The following ZBTB20 variants were observed in gnomAD, a reference collection of about 807,000 sequenced individuals.
The protein encoded by ZBTB20 is zinc finger and BTB domain-containing protein 20.
Under a neutral mutation model 56.9 loss-of-function variants are expected in ZBTB20, and 9 were observed. The observed-to-expected ratio is 0.16, with a 90% CI of 0.10 to 0.28. The LOEUF (loss-of-function observed/expected upper bound fraction) is 0.28, where lower values mean the gene tolerates loss of function less well. Among genes scored for constraint, ZBTB20 ranks in the 10% least tolerant of loss-of-function variants. The pLI is 1.00. For synonymous variants in ZBTB20, 417 were observed against 420.7 expected (o/e 0.99, Z 0.11); for missense variants, 655 against 1,003.0 (o/e 0.65, Z 4.69).
intron 4 of ZBTB20, among the ~76,000 whole-genome samples, chr3:114,859,093 T>TA (rs967994368): frequency 6.6e-6 from 1 of 151,886 alleles, no homozygotes; most frequent in Non-Finnish European, 1.5e-5. Flanking sequence ...AAATATTTTT[T>TA]AAAAAAACAG....
At chr3:114,950,143 C>T (rs961493909) in intron 3 of ZBTB20, among the ~76,000 whole-genome samples, 5 of 152,108 alleles carry the variant, frequency 3.3e-5, no homozygotes, top group Non-Finnish European at 7.4e-5. Flanking sequence ...ATACAGTAGT[C>T]CCCCTTTATC....
chr3:115,084,660 G>T (rs1195526330), intron 1 of ZBTB20, among the ~76,000 whole-genome samples: 1 of 151,776 alleles, frequency 6.6e-6, no homozygotes, highest in Non-Finnish European at 1.5e-5. Context: ...AATCAGGAGT[G>T]AACAAAGAAA....
intron 4 of ZBTB20, among the ~76,000 whole-genome samples, chr3:114,871,936 C>T (rs1360602094): frequency 6.6e-6 from 1 of 152,124 alleles, no homozygotes; most frequent in Admixed American, 6.6e-5. Flanking sequence ...TCGTTTCTGT[C>T]TCCTGGTCCC....
At chr3:115,102,636 T>C (rs906286165) in intron 1 of ZBTB20, 19 of 151,948 alleles carry the variant, frequency 1.3e-4, no homozygotes, top group African/African-American at 4.1e-4. Context: ...AAAAACAACC[T>C]GAGAGCTAAA....
chr3:114,815,823 C>G (rs893021364), intron 4 of ZBTB20, among the ~76,000 whole-genome samples: 3 of 152,068 alleles, frequency 2.0e-5, no homozygotes, highest in Non-Finnish European at 2.9e-5. Flanking sequence ...TCTAGATGAA[C>G]AAAATGAAAT....
At chr3:115,130,700 T>A (rs2084478990) in intron 1 of ZBTB20, among the ~76,000 whole-genome samples, 1 of 152,204 alleles carries the variant, frequency 6.6e-6, no homozygotes, top group African/African-American at 2.4e-5. Flanking sequence ...GTGCCAAGAT[T>A]CAGAAATATG....
intron 4 of ZBTB20, among the ~76,000 whole-genome samples, chr3:114,897,883 A>T (rs2107656026): frequency 6.6e-6 from 1 of 152,270 alleles, no homozygotes; most frequent in East Asian, 1.9e-4. Context: ...CTTATTATGT[A>T]AACTGTGCCA....
At chr3:114,986,004 G>C (rs1462495104) in intron 2 of ZBTB20, among the ~76,000 whole-genome samples, 1 of 152,088 alleles carries the variant, frequency 6.6e-6, no homozygotes, top group Non-Finnish European at 1.5e-5. Context: ...GGGGTGGGAT[G>C]CATTTGGCAA....
intron 7 of ZBTB20, among the ~76,000 whole-genome samples, chr3:114,442,227 A>G (rs2090976826): frequency 6.6e-6 from 1 of 152,134 alleles, no homozygotes; most frequent in African/African-American, 2.4e-5. Flanking sequence ...TGGACTCAGG[A>G]CTCAGGCACT....
chr3:114,933,197 G>C (rs567433153), intron 3 of ZBTB20, among the ~76,000 whole-genome samples: 1 of 152,252 alleles, frequency 6.6e-6, no homozygotes, highest in Admixed American at 6.5e-5. Context: ...CCAAAGATTT[G>C]TAAAAAATAA....
intron 6 of ZBTB20, among the ~76,000 whole-genome samples, chr3:114,668,857 T>C (rs1302167846): frequency 6.6e-6 from 1 of 152,068 alleles, no homozygotes; most frequent in African/African-American, 2.4e-5. Flanking sequence ...GGTCTGCCTA[T>C]GTGATTCAAC....
chr3:114,807,502 A>G (rs1052394403), intron 4 of ZBTB20, among the ~76,000 whole-genome samples: 13 of 135,022 alleles, frequency 9.6e-5, no homozygotes, highest in African/African-American at 3.6e-4. Flanking sequence ...TCTTACATGT[A>G]TTTATCATTC....
At chr3:114,753,438 C>CGTATATATATATAT (rs1560210058) in intron 5 of ZBTB20, among the ~76,000 whole-genome samples, 3 of 10,578 alleles carry the variant, frequency 2.8e-4, no homozygotes, top group African/African-American at 4.0e-4. Context: ...TATATACACA[C>CGTATATATATATAT]ACACTTTTTT....
chr3:114,883,809 AG>A (rs753542144), intron 4 of ZBTB20, among the ~76,000 whole-genome samples: 7 of 151,450 alleles, frequency 4.6e-5, no homozygotes, highest in Non-Finnish European at 1.0e-4. Context: ...TTTCTAAGAA[AG>A]CAAGTAGTTC....
chr3:114,604,688 G>A (rs2057013356), intron 6 of ZBTB20, among the ~76,000 whole-genome samples: 1 of 152,010 alleles, frequency 6.6e-6, no homozygotes, highest in Non-Finnish European at 1.5e-5. Context: ...AAAAAAACTT[G>A]GCAGTTTGGT....
chr3:114,758,476 A>C (rs567600541), intron 5 of ZBTB20, among the ~76,000 whole-genome samples: 1 of 152,146 alleles, frequency 6.6e-6, no homozygotes, highest in Non-Finnish European at 1.5e-5. Context: ...CCTAATGAAA[A>C]CAGTGTTTAC....
intron 3 of ZBTB20, among the ~76,000 whole-genome samples, chr3:114,971,872 C>T (rs2077897941): frequency 6.6e-6 from 1 of 152,138 alleles, no homozygotes; most frequent in Non-Finnish European, 1.5e-5. Context: ...TTGGAGGCCC[C>T]TCCTCATCAA....
At chr3:114,839,403 G>T (rs1037394880) in intron 4 of ZBTB20, among the ~76,000 whole-genome samples, 9 of 146,940 alleles carry the variant, frequency 6.1e-5, no homozygotes, top group South Asian at 4.4e-4. Flanking sequence ...GTGAGAGCCT[G>T]TCTGAAAGAA....
chr3:114,423,198 A>G (rs1242356037), intron 7 of ZBTB20, among the ~76,000 whole-genome samples: 1 of 152,290 alleles, frequency 6.6e-6, no homozygotes, highest in East Asian at 1.9e-4. Flanking sequence ...ACACTCTTTA[A>G]CCACAAAATT....
Sources: allele counts gnomAD v4.1 joint callset (sites outside exome capture counted in the v4.1 genomes callset), GRCh38; gene constraint gnomAD v4.1.1; transcripts MANE v1.5; gene names NCBI Gene and HGNC (gene_info 2026-07-23, HGNC 2026-07-21).